Variants in RAB27B observed in about 807,000 individuals in gnomAD.
RAB27B encodes ras-related protein Rab-27B.
Under a neutral mutation model 24.6 loss-of-function variants are expected in RAB27B, and 15 were observed. The observed-to-expected ratio is 0.61, with a 90% CI of 0.41 to 0.94. The LOEUF is 0.94. Ranked by LOEUF, RAB27B falls within the 40% of genes least tolerant of loss-of-function variation. The probability of loss-of-function intolerance (pLI) is 0.00; values close to 1 mark genes in which losing one functional copy is unlikely to be tolerated. For missense variants in RAB27B, 261 were observed against 266.8 expected (o/e 0.98, Z 0.15); for synonymous variants, 105 against 92.5 (o/e 1.14, Z -0.78).
chr18:54,806,507 T>A (rs1032040570), intron 2 of RAB27B, among the ~76,000 whole-genome samples: 4 of 147,382 alleles, frequency 2.7e-5, no homozygotes, highest in Non-Finnish European at 4.5e-5. Flanking sequence ...AAGAAATGGG[T>A]CCAAGAATGT....
chr18:54,760,999 T>C (rs1386042922), intron 2 of RAB27B, among the ~76,000 whole-genome samples: 1 of 151,338 alleles, frequency 6.6e-6, no homozygotes, highest in Non-Finnish European at 1.5e-5. Flanking sequence ...GGTATTCTTT[T>C]TTTTTTTTTT....
chr18:54,849,733 C>T (rs1271094285), intron 1 of RAB27B, among the ~76,000 whole-genome samples: 1 of 151,814 alleles, frequency 6.6e-6, no homozygotes, highest in African/African-American at 2.4e-5. Context: ...AACAAACAAA[C>T]AAAAAGAAGG....
At chr18:54,785,444 T>TG in intron 2 of RAB27B, among the ~76,000 whole-genome samples, 1 of 147,220 alleles carries the variant, frequency 6.8e-6, no homozygotes. Flanking sequence ...AGGTTTTTTT[T>TG]TTTTTTTTTT....
chr18:54,847,855 GA>G (rs5825096), intron 1 of RAB27B, among the ~76,000 whole-genome samples: 99,289 of 150,766 alleles, frequency 0.66, 35,060 homozygotes, highest in East Asian at 0.9. Flanking sequence ...AAGAAAGAAA[GA>G]AAAAAAAAAC....
chr18:54,772,980 T>A (rs1029210169), intron 2 of RAB27B, among the ~76,000 whole-genome samples: 5 of 152,232 alleles, frequency 3.3e-5, no homozygotes, highest in Admixed American at 6.5e-5. Context: ...TGACTGTGTT[T>A]ACATGCACTT....
At chr18:54,795,793 A>T (rs544479227) in intron 2 of RAB27B, among the ~76,000 whole-genome samples, 1 of 152,320 alleles carries the variant, frequency 6.6e-6, no homozygotes, top group Admixed American at 6.5e-5. Flanking sequence ...TGTATTACAG[A>T]TGAAGGCATG....
At chr18:54,742,004 C>T (rs563495076) in intron 2 of RAB27B, among the ~76,000 whole-genome samples, 8 of 152,202 alleles carry the variant, frequency 5.3e-5, no homozygotes, top group Admixed American at 5.2e-4. Context: ...TTTGTTTTGG[C>T]CTGAAGGCTT....
At chr18:54,845,309 A>T (rs1394710645) in intron 1 of RAB27B, among the ~76,000 whole-genome samples, 1 of 150,892 alleles carries the variant, frequency 6.6e-6, no homozygotes, top group Non-Finnish European at 1.5e-5. Context: ...CAGGAGACTG[A>T]GGCAGGGGAA....
chr18:54,842,936 A>G (rs544994282), intron 1 of RAB27B, among the ~76,000 whole-genome samples: 2 of 152,226 alleles, frequency 1.3e-5, no homozygotes, highest in East Asian at 3.9e-4. Flanking sequence ...CTGGAACTAC[A>G]GGCACCCGTC....
At chr18:54,748,920 C>T (rs1461603623) in intron 2 of RAB27B, among the ~76,000 whole-genome samples, 1 of 152,186 alleles carries the variant, frequency 6.6e-6, no homozygotes, top group Non-Finnish European at 1.5e-5. Context: ...AGGAGGCAGA[C>T]ATCATTTTGT....
chr18:54,805,459 CAG>C (rs778830658), intron 2 of RAB27B, among the ~76,000 whole-genome samples: 4 of 152,120 alleles, frequency 2.6e-5, no homozygotes, highest in Non-Finnish European at 5.9e-5. Flanking sequence ...TTTAAAATGT[CAG>C]GGTACTTTCT....
chr18:54,726,012 A>G (rs574290351), intron 2 of RAB27B, among the ~76,000 whole-genome samples: 21 of 151,756 alleles, frequency 1.4e-4, no homozygotes, highest in African/African-American at 4.8e-4. Flanking sequence ...CAGCTCATCT[A>G]TGAGACCTGC....
intron 2 of RAB27B, 48 bp downstream of exon 2, chr18:54,877,786 A>G (rs767437650): frequency 6.6e-7 from 1 of 1,503,790 alleles, no homozygotes; most frequent in Non-Finnish European, 8.8e-7. Context: ...CCCCCTATAT[A>G]AAATAAGAAT....
At chr18:54,845,289 C>T (rs200831516) in intron 1 of RAB27B, among the ~76,000 whole-genome samples, 1 of 151,776 alleles carries the variant, frequency 6.6e-6, no homozygotes, top group East Asian at 1.9e-4. Context: ...TGCCTGTAAT[C>T]CCAGCCACTC....
Position 54,895,272 on chromosome 18 carries a change from C to A in RAB27B, c.*5859C>A, listed in dbSNP as rs1279486724. On this transcript the variant is annotated 3_prime_UTR_variant, in exon 6 of 6. Transcript: ENST00000262094. ...TGTCTCCTATATAGATCTGTTTTGTCTAGTGCTATGAATGTAACTTAAAAC... is the reference window on the plus strand; with the variant it reads ...TGTCTCCTATATAGATCTGTTTTGTATAGTGCTATGAATGTAACTTAAAAC... 1 of 151,986 alleles carries A rather than the reference C, an allele frequency of 6.6e-6. No homozygotes were observed. Among genetic ancestry groups the A allele is most frequent in the Non-Finnish European group, 1.5e-5 (1 of 67,968 alleles). 9.4% of individuals were successfully genotyped at this position (151,986 alleles called of 1,614,324 possible).
intron 2 of RAB27B, among the ~76,000 whole-genome samples, chr18:54,728,662 G>A (rs1909620590): frequency 6.6e-6 from 1 of 151,918 alleles, no homozygotes; most frequent in Non-Finnish European, 1.5e-5. Context: ...AGCACTTGAG[G>A]TCAGGGGTTT....
intron 1 of RAB27B, among the ~76,000 whole-genome samples, chr18:54,871,037 CA>C (rs1568107981): frequency 6.6e-6 from 1 of 152,006 alleles, no homozygotes; most frequent in Non-Finnish European, 1.5e-5. Flanking sequence ...AAGCCAAAGG[CA>C]AAAATGTTAT....
intron 2 of RAB27B, among the ~76,000 whole-genome samples, chr18:54,754,560 T>G (rs1368036695): frequency 1.3e-5 from 2 of 152,228 alleles, no homozygotes; most frequent in South Asian, 2.1e-4. Context: ...TAGGGCGTCC[T>G]CAGAAAGCAA....
intron 2 of RAB27B, among the ~76,000 whole-genome samples, chr18:54,769,164 A>C (rs1908460657): frequency 6.6e-6 from 1 of 152,182 alleles, no homozygotes; most frequent in African/African-American, 2.4e-5. Flanking sequence ...TACTTCCAAG[A>C]TACAATGGAG....
Sources: allele counts gnomAD v4.1 joint callset (sites outside exome capture counted in the v4.1 genomes callset), GRCh38; gene constraint gnomAD v4.1.1; transcripts MANE v1.5; gene names NCBI Gene and HGNC (gene_info 2026-07-23, HGNC 2026-07-21).